Variants in SLC35E4 observed in about 807,000 individuals in gnomAD.
SLC35E4 encodes the protein solute carrier family 35, member E4.
A neutral mutation model predicts 19.3 loss-of-function variants in SLC35E4; 15 were observed. The observed-to-expected ratio is 0.78, with a 90% CI of 0.52 to 1.20. The LOEUF (loss-of-function observed/expected upper bound fraction) is 1.20. Among genes scored for constraint, SLC35E4 ranks in the 50% most tolerant of loss-of-function variants. The probability of loss-of-function intolerance (pLI) is 0.00; values close to 1 mark genes in which losing one functional copy is unlikely to be tolerated. For synonymous variants in SLC35E4, 219 were observed against 219.9 expected (o/e 1.00, Z 0.04); for missense variants, 406 against 472.3 (o/e 0.86, Z 1.30).
downstream of SLC35E4, chr22:30,666,953 T>C (rs959620140): frequency 6.6e-6 from 1 of 152,064 alleles, no homozygotes; most frequent in African/African-American, 2.4e-5. Flanking sequence ...GAAAGGGAAG[T>C]GTAAAAAAGA....
At chr22:30,653,406 C>CT (rs2088265340) in intron 2 of SLC35E4, among the ~76,000 whole-genome samples, 1 of 150,216 alleles carries the variant, frequency 6.7e-6, no homozygotes, top group Non-Finnish European at 1.5e-5. Flanking sequence ...GAGTCTTGCT[C>CT]TGTCACCCAG....
Position 30,660,041 on chromosome 22 carries a change from A to C in SLC35E4, c.*9-2019A>C, listed in dbSNP as rs949642794. The stretch of plus-strand genomic sequence containing the variant: ...TCTACCCTGCAACTGCAATACACTA[A>C]ATTCAGCCAAGAACCCAAATGAATG... On this transcript the variant is annotated intron_variant, in intron 2 of 2. Transcript: ENST00000406566. Among the ~76,000 whole-genome samples the C allele has an allele frequency of 2.0e-5, 3 of 152,298 alleles. No homozygotes were observed. The East Asian group carries it at 5.8e-4, about 29-fold the overall frequency.
chr22:30,656,954 T>C (rs760306793), intron 2 of SLC35E4, among the ~76,000 whole-genome samples: 3 of 151,564 alleles, frequency 2.0e-5, no homozygotes, highest in Non-Finnish European at 4.4e-5. Context: ...ATCTCTATTT[T>C]GTATAAAAAT....
chr22:30,658,337 G>C (rs2088387708), intron 2 of SLC35E4, among the ~76,000 whole-genome samples: 1 of 150,546 alleles, frequency 6.6e-6, no homozygotes, highest in African/African-American at 2.4e-5. Flanking sequence ...CCAGGAGTTT[G>C]AGACCAGCCT....
intron 1 of SLC35E4, among the ~76,000 whole-genome samples, chr22:30,642,107 G>C (rs1360342929): frequency 6.6e-6 from 1 of 151,688 alleles, no homozygotes; most frequent in East Asian, 2.0e-4. Flanking sequence ...AATTTCCCAG[G>C]CTCGGGCAAT....
In SLC35E4 at chr22:30,635,933, C is replaced by T. The variant is rs926207341; in HGVS notation, c.-518C>T. 6.6e-6 allele frequency: 1 copy of T among 152,464 alleles called. No individual in the cohort carries two copies. The highest frequency in any genetic ancestry group is 1.5e-5 in the Non-Finnish European group (1 of 68,230). 9.4% of individuals were successfully genotyped at this position (152,464 alleles called of 1,614,324 possible). A position where few individuals can be genotyped will look rare whatever the true frequency, so the allele number is the denominator to read the frequency against. On this transcript the variant is annotated 5_prime_UTR_variant, in exon 1 of 2. Transcript: ENST00000343605. ...CGGAGGACGGGCCGTGGTGTCAGCT[C>T]ACTGCCCGGGCGCTGTGGGAGGCAG...
intron 1 of SLC35E4, among the ~76,000 whole-genome samples, chr22:30,643,029 C>T (rs113383915): frequency 3.3e-4 from 27 of 81,388 alleles, no homozygotes; most frequent in Non-Finnish European, 6.2e-4. Flanking sequence ...GACTCCGTCT[C>T]AAAAAAAAAA....
chr22:30,662,725 A>C (rs2088513920), exon 3 of SLC35E4: 1 of 152,248 alleles, frequency 6.6e-6, no homozygotes, highest in South Asian at 2.1e-4. Context: ...GCCACGCAGG[A>C]GGCTAAGGTA....
Position 30,635,800 on chromosome 22 carries a change from G to GTGA in SLC35E4, c.-651_-650insTGA, listed in dbSNP as rs2087933372. 1 of 155,926 alleles carries GTGA rather than the reference G, an allele frequency of 6.4e-6. No homozygotes were observed. The allele number at this position is 155,926 out of a possible 1,614,324, so 9.7% of individuals were successfully genotyped here. A position where few individuals can be genotyped will look rare whatever the true frequency, so the allele number is the denominator to read the frequency against. ...CCGGGCGTGAGTCGCAGCAGGAGCC[G>GTGA]CAGCCGGAGTCACAGCCGCAGCCAG... On this transcript the variant is annotated 5_prime_UTR_variant, in exon 1 of 2. Transcript: ENST00000343605.
Position 30,635,840 on chromosome 22 carries a change from C to G in SLC35E4, c.-611C>G, listed in dbSNP as rs1258425246. ...GCCGCAGCCAGAGCCGCAGCCAAAG[C>G]CTCAGAGAGCAGGAGTTGGAGCGCA... is the stretch of plus-strand genomic sequence containing the variant. On this transcript the variant is annotated 5_prime_UTR_variant, in exon 1 of 2. Transcript: ENST00000343605. 6.5e-6 allele frequency: 1 copy of G among 154,706 alleles called. No individual in the cohort carries two copies. The highest frequency in any genetic ancestry group is 1.4e-5 in the Non-Finnish European group (1 of 69,636). 9.6% of individuals were successfully genotyped at this position (154,706 alleles called of 1,614,324 possible). A position where few individuals can be genotyped will look rare whatever the true frequency, so the allele number is the denominator to read the frequency against.
Position 30,636,781 on chromosome 22 carries a change from C to T in SLC35E4, c.331C>T (p.Leu111=), listed in dbSNP as rs752219381. ...GCCAGGCGGCACTCGCTGCCGAGTC[C>T]TACTGCTCAGTCTCACCTTTGGCAC... The part of the protein sequence containing the change: ...PMPGGTRCRV[L]LLSLTFGTSM... The change falls in exon 1 of 2, where the codon CTA becomes TTA. Residue 111 remains leucine (L), a synonymous_variant. Coordinates refer to ENST00000343605, the MANE Select transcript of SLC35E4 (RefSeq NM_001001479.4). 1 of 1,612,560 alleles carries T rather than the reference C, an allele frequency of 6.2e-7. No individual in the cohort carries two copies. The highest frequency in any genetic ancestry group is 8.5e-7 in the Non-Finnish European group (1 of 1,179,576).
downstream of SLC35E4, among the ~76,000 whole-genome samples, chr22:30,651,099 C>T (rs1471872347): frequency 6.6e-6 from 1 of 151,912 alleles, no homozygotes; most frequent in Non-Finnish European, 1.5e-5. Context: ...GTCAAATCCT[C>T]CACCACTGCA....
chr22:30,646,837 C>T lies in SLC35E4; in HGVS notation c.859C>T (p.Leu287=), dbSNP rs1569060006. ...ALTSALTVHV[L]GNLTVVGNLI... ...CACCTCTGCCCTCACCGTCCACGTC[C>T]TGGGCAACCTCACCGTGGTGGGCAA... The change falls in exon 2 of 2, where the codon CTG becomes TTG. Residue 287 remains leucine, a synonymous_variant. Coordinates refer to ENST00000343605, the MANE Select transcript of SLC35E4 (RefSeq NM_001001479.4). 1 of 1,614,248 alleles carries T rather than the reference C, an allele frequency of 6.2e-7. No homozygotes were observed. Among genetic ancestry groups the T allele is most frequent in the East Asian group, 2.2e-5 (1 of 44,888 alleles).
chr22:30,658,518 C>G (rs2088393528), intron 2 of SLC35E4, among the ~76,000 whole-genome samples: 1 of 151,926 alleles, frequency 6.6e-6, no homozygotes, highest in East Asian at 1.9e-4. Context: ...ATCTCCGTTG[C>G]CTTTTTTCTC....
intron 2 of SLC35E4, chr22:30,654,147 TTTTA>T (rs1358426150): frequency 9.0e-6 from 2 of 223,092 alleles, no homozygotes; most frequent in East Asian, 1.5e-4. Context: ...GCCCGGCTAT[TTTTA>T]TTTTTTATTT....
At chr22:30,659,123 C>CAAA (rs35939188) in intron 2 of SLC35E4, among the ~76,000 whole-genome samples, 39 of 104,652 alleles carry the variant, frequency 3.7e-4, no homozygotes, top group Middle Eastern at 4.8e-3. Context: ...GACTCCATCT[C>CAAA]AAAAAAAAAA....
At chr22:30,658,973 T>C (rs928653722) in intron 2 of SLC35E4, among the ~76,000 whole-genome samples, 2 of 151,534 alleles carry the variant, frequency 1.3e-5, no homozygotes, top group Non-Finnish European at 2.9e-5. Context: ...CGAAACCGCA[T>C]CTCTACTAGG....
At chr22:30,668,587 C>T (rs1017874967) in exon 3 of SLC35E4, 5 of 152,308 alleles carry the variant, frequency 3.3e-5, no homozygotes, top group African/African-American at 4.8e-5. Context: ...CCAGGCATGA[C>T]ATCGTGTGGT....
chr22:30,637,058 C>A lies in SLC35E4; in HGVS notation c.608C>A (p.Ser203Ter), dbSNP rs753028223. 3.2e-6 allele frequency: 5 copies of A among 1,568,660 alleles called. No homozygotes were observed. The highest frequency in any genetic ancestry group is 4.3e-6 in the Non-Finnish European group (5 of 1,153,704). Residue 203 changes from serine (S) to a stop codon, truncating the protein, a stop_gained, in exon 1 of 2, where the codon TCG (serine) becomes TAG (stop). Coordinates refer to ENST00000343605, the MANE Select transcript of SLC35E4 (RefSeq NM_001001479.4). LOFTEE classifies it high-confidence loss of function. ...GCCACCTGCCTCCGCGGACTCAAGTCGGTTCAGCAAAGTAAGTGCCTGGGT... is the reference window on the plus strand; with the variant it reads ...GCCACCTGCCTCCGCGGACTCAAGTAGGTTCAGCAAAGTAAGTGCCTGGGT... ...LAATCLRGLK[S>*]VQQSALLQEE...
Sources: gnomAD v4.1 joint callset for allele counts (sites outside exome capture counted in the v4.1 genomes callset) on GRCh38, gnomAD v4.1.1 for gene constraint, MANE v1.5 for transcripts, NCBI Gene and HGNC (gene_info 2026-07-23, HGNC 2026-07-21) for gene names.